Variants in TUBB3 observed in about 807,000 individuals in gnomAD.
TUBB3 encodes the protein tubulin beta-3 chain.
TUBB3 carries 17 observed loss-of-function variants against 37.8 expected under a neutral mutation model. The observed-to-expected ratio is 0.45, with a 90% CI of 0.31 to 0.67. The LOEUF is 0.67. Among genes scored for constraint, TUBB3 ranks in the 30% least tolerant of loss-of-function variants. The pLI is 0.07. For missense variants in TUBB3, 262 were observed against 657.9 expected (o/e 0.40, Z 6.58); for synonymous variants, 332 against 278.9 (o/e 1.19, Z -1.90).
intron 1 of TUBB3, among the ~76,000 whole-genome samples, chr16:89,926,575 T>G (rs1449334544): frequency 6.6e-6 from 1 of 152,184 alleles, no homozygotes; most frequent in Non-Finnish European, 1.5e-5. Flanking sequence ...TGTTTCCAGG[T>G]TTTTGTTTTT....
At chr16:89,926,934 C>G (rs2030110056) in intron 1 of TUBB3, among the ~76,000 whole-genome samples, 1 of 152,018 alleles carries the variant, frequency 6.6e-6, no homozygotes, top group African/African-American at 2.4e-5. Context: ...TCAGGCTGGT[C>G]TCAAACTCCT....
rs1402629985 is a variant in TUBB3 at position 89,934,835 on chromosome 16, C to T, written c.384C>T (p.Asp128=). The change falls in exon 4 of 4, where the codon GAC becomes GAT. Residue 128 remains aspartate (D), a synonymous_variant. Transcript: ENST00000315491. ...TGCGGAAGGAGTGTGAAAACTGCGA[C>T]TGCCTGCAGGGCTTCCAGCTGACCC... ...DVVRKECENC[D]CLQGFQLTHS... 1 of 1,614,090 alleles carries T rather than the reference C, an allele frequency of 6.2e-7. No homozygotes were observed. The highest frequency in any genetic ancestry group is 8.5e-7 in the Non-Finnish European group (1 of 1,180,032).
chr16:89,923,230 G>C (rs1293488100), upstream of TUBB3: 1 of 288,220 alleles, frequency 3.5e-6, no homozygotes, highest in Non-Finnish European at 6.0e-6. Context: ...CGGAGCCTGC[G>C]GGCCGGGCGG....
chr16:89,933,303 G>C, intron 2 of TUBB3, 165 bp from the exon 3 acceptor site: 1 of 756,530 alleles, frequency 1.3e-6, no homozygotes, highest in Non-Finnish European at 2.4e-6. Flanking sequence ...GCTTAAGGGT[G>C]AAGAAAGTTG....
Position 89,935,904 on chromosome 16 carries a change from C to T in TUBB3, c.*100C>T, listed in dbSNP as rs1321573177. 5 of 1,452,712 alleles carry T rather than the reference C, an allele frequency of 3.4e-6. No homozygotes were observed. Among genetic ancestry groups the T allele is most frequent in the East Asian group, 5.0e-5 (2 of 40,348 alleles). The allele number at this position is 1,452,712 out of a possible 1,614,324, so 90.0% of individuals were successfully genotyped here. A position where few individuals can be genotyped will look rare whatever the true frequency, so the allele number is the denominator to read the frequency against. On this transcript the variant is annotated 3_prime_UTR_variant, in exon 4 of 4. Transcript: ENST00000315491. Reference sequence around the variant, plus strand: ...TCTTGCTGCCGACACCCTGCTTTCCCCTCGCCCTAGGGCTCCCTTGCCGCC... The same window carrying T: ...TCTTGCTGCCGACACCCTGCTTTCCTCTCGCCCTAGGGCTCCCTTGCCGCC...
chr16:89,932,074 A>G (rs2030299503), intron 1 of TUBB3: 1 of 287,668 alleles, frequency 3.5e-6, no homozygotes, highest in Admixed American at 4.5e-5. Context: ...ATCACTGGAC[A>G]TGGTTTGCTC....
Position 89,923,421 on chromosome 16 carries a change from T to A in TUBB3, c.20T>A (p.Ile7Asn). 1 of 1,512,384 alleles carries A rather than the reference T, an allele frequency of 6.6e-7. No individual in the cohort carries two copies. Among genetic ancestry groups the A allele is most frequent in the Non-Finnish European group, 8.8e-7 (1 of 1,129,974 alleles). The allele number at this position is 1,512,384 out of a possible 1,614,324, so 93.7% of individuals were successfully genotyped here. The change falls in exon 1 of 4, where the codon ATC (isoleucine) becomes AAC (asparagine). Residue 7 changes from isoleucine (I) to asparagine (N), a missense_variant. Ile to Asn is a moderately radical substitution (Grantham distance 149). This residue lies in a region of TUBB3 where 58 missense variants were observed against 74.2 expected (regional missense o/e 0.78). Transcript: ENST00000315491. MREIVH[I>N]QAGQCGNQIG... is the part of the protein sequence containing the mutation. ...CCCAGTATGAGGGAGATCGTGCACATCCAGGCCGGCCAGTGCGGCAACCAG... is the reference window on the plus strand; with the variant it reads ...CCCAGTATGAGGGAGATCGTGCACAACCAGGCCGGCCAGTGCGGCAACCAG...
chr16:89,928,593 C>T (rs944841406), intron 1 of TUBB3, among the ~76,000 whole-genome samples: 2 of 151,252 alleles, frequency 1.3e-5, no homozygotes, highest in African/African-American at 2.4e-5. Context: ...GGCACAATCT[C>T]GGTTCACTGC....
In TUBB3 at chr16:89,934,517, T is replaced by C. The variant is rs4396536; in HGVS notation, c.278-212T>C. ...TGCTGTGACCCCAAGTTCTCAAGACTCTGTCCAGAGCCCTCGTCCTGAGCA... is the reference window on the plus strand; with the variant it reads ...TGCTGTGACCCCAAGTTCTCAAGACCCTGTCCAGAGCCCTCGTCCTGAGCA... On this transcript the variant is annotated intron_variant, in intron 3 of 3. Coordinates refer to ENST00000315491, the MANE Select transcript of TUBB3 (RefSeq NM_006086.4). 0.99 allele frequency: 640,475 copies of C among 646,700 alleles called. 317,172 individuals carry two copies. Among genetic ancestry groups the C allele is most frequent in the East Asian group, 1 (35,153 of 35,154 alleles). 40.1% of individuals were successfully genotyped at this position (646,700 alleles called of 1,614,324 possible).
rs1311502543 is a variant in TUBB3, at chr16:89,935,466, A to G, written c.1015A>G (p.Ser339Gly). ...QMLAIQSKNS[S>G]YFVEWIPNNV... The stretch of plus-strand genomic sequence containing the variant: ...GCTGGCCATCCAGAGCAAGAACAGC[A>G]GCTACTTCGTGGAGTGGATCCCCAA... The change falls in exon 4 of 4, where the codon AGC (serine) becomes GGC (glycine). Residue 339 changes from serine to glycine, a missense_variant. By Grantham distance (56) the Ser-to-Gly change is moderately conservative. Transcript: ENST00000315491. 2.5e-6 allele frequency: 4 copies of G among 1,614,252 alleles called. No individual in the cohort carries two copies. The highest frequency in any genetic ancestry group is 2.5e-6 in the Non-Finnish European group (3 of 1,180,054).
intron 1 of TUBB3, among the ~76,000 whole-genome samples, chr16:89,930,569 C>T (rs1043654636): frequency 6.6e-6 from 1 of 151,666 alleles, no homozygotes; most frequent in East Asian, 1.9e-4. Flanking sequence ...AACGTGTGAG[C>T]CACCACCCCT....
intron 1 of TUBB3, among the ~76,000 whole-genome samples, chr16:89,928,373 G>C (rs2030160298): frequency 6.6e-6 from 1 of 151,320 alleles, no homozygotes; most frequent in South Asian, 2.1e-4. Context: ...TTGTTTGTTT[G>C]TTTGAGATGG....
chr16:89,923,316 A>G, upstream of TUBB3: 1 of 1,188,548 alleles, frequency 8.4e-7, no homozygotes, highest in Non-Finnish European at 1.1e-6. Context: ...CGCGGCTATA[A>G]GAGCGCGCGG....
At chr16:89,927,144 G>A (rs1366519396) in intron 1 of TUBB3, among the ~76,000 whole-genome samples, 1 of 152,056 alleles carries the variant, frequency 6.6e-6, no homozygotes, top group Non-Finnish European at 1.5e-5. Flanking sequence ...GGAGGCCGAG[G>A]TGGGTGGATC....
intron 1 of TUBB3, among the ~76,000 whole-genome samples, chr16:89,926,073 A>G (rs2030067813): frequency 6.6e-6 from 1 of 151,884 alleles, no homozygotes; most frequent in African/African-American, 2.4e-5. Flanking sequence ...CGGGCTATGC[A>G]GAAACACCGG....
At chr16:89,926,849 C>G (rs184201018) in intron 1 of TUBB3, among the ~76,000 whole-genome samples, 1 of 152,104 alleles carries the variant, frequency 6.6e-6, no homozygotes, top group African/African-American at 2.4e-5. Context: ...TCCTGAGTAG[C>G]TGGGATTACA....
Position 89,923,449 on chromosome 16 carries a change from C to A in TUBB3, c.48C>A (p.Ile16=). 6.6e-7 allele frequency: 1 copy of A among 1,511,256 alleles called. No individual in the cohort carries two copies. The highest frequency in any genetic ancestry group is 1.2e-5 in the South Asian group (1 of 82,010). The allele number at this position is 1,511,256 out of a possible 1,614,324, so 93.6% of individuals were successfully genotyped here. ...AGGCCGGCCAGTGCGGCAACCAGAT[C>A]GGGGCCAAGGTGAGGCTGCGCGCCC... ...HIQAGQCGNQ[I]GAKFWEVISD... is the part of the protein sequence containing the mutation. Residue 16 remains isoleucine (I), a synonymous_variant, in exon 1 of 4, where the codon ATC becomes ATA. Transcript: ENST00000315491.
At chr16:89,933,298 A>C in intron 2 of TUBB3, 170 bp from the exon 3 acceptor site, 1 of 748,966 alleles carries the variant, frequency 1.3e-6, no homozygotes. Flanking sequence ...GTGAGGCTTA[A>C]GGGTGAAGAA....
chr16:89,935,327 G>A lies in TUBB3; in HGVS notation c.876G>A (p.Gln292=). The A allele has an allele frequency of 6.2e-7, 1 of 1,613,888 alleles. No individual in the cohort carries two copies. The highest frequency in any genetic ancestry group is 8.5e-7 in the Non-Finnish European group (1 of 1,179,982). ...TGACCGTGCCCGAGCTCACCCAGCA[G>A]ATGTTCGATGCCAAGAACATGATGG... ...RALTVPELTQ[Q]MFDAKNMMAA... Residue 292 remains glutamine, a synonymous_variant, in exon 4 of 4, where the codon CAG becomes CAA. Transcript: ENST00000315491.
Sources: gnomAD v4.1 joint callset for allele counts (sites outside exome capture counted in the v4.1 genomes callset) on GRCh38, gnomAD v4.1.1 for gene constraint, gnomAD v4.1.1 regional missense constraint, MANE v1.5 for transcripts, NCBI Gene and HGNC (gene_info 2026-07-23, HGNC 2026-07-21) for gene names.